Variants in SDK1 observed in about 807,000 individuals in gnomAD.
SDK1 encodes sidekick cell adhesion molecule 1, also known as protein sidekick-1.
Under a neutral mutation model 245.5 loss-of-function variants are expected in SDK1, and 157 were observed. The observed-to-expected ratio is 0.64, with a 90% confidence interval of 0.56 to 0.73. SDK1 has a LOEUF of 0.73. Among genes scored for constraint, SDK1 ranks in the 30% least tolerant of loss-of-function variants. The pLI, the probability that SDK1 is intolerant of heterozygous loss-of-function variation, is 0.00. For missense variants in SDK1, 3,583 were observed against 3,002.3 expected (o/e 1.19, Z -4.52); for synonymous variants, 1,647 against 1,278.5 (o/e 1.29, Z -6.15).
chr7:3,906,240 A>G lies in SDK1; in HGVS notation c.848-44683A>G, dbSNP rs540802271. Among the ~76,000 whole-genome samples the G allele has an allele frequency of 2.0e-5, 3 of 152,134 alleles. No individual in the cohort carries two copies. The South Asian group carries it at 6.2e-4, about 32-fold the overall frequency. On this transcript the variant is annotated intron_variant, in intron 5 of 44. Transcript: ENST00000404826. ...CAAATCCACCTTTTCATCGTGTTCT[A>G]TTATTTTGTTAGAACTTTAATTATT...
chr7:3,843,341 C>T (rs141143971), intron 5 of SDK1, among the ~76,000 whole-genome samples: 231 of 152,282 alleles, frequency 1.5e-3, no homozygotes, highest in East Asian at 0.015. Context: ...CTCCTGGCTT[C>T]GGATTCTCTA....
intron 1 of SDK1, among the ~76,000 whole-genome samples, chr7:3,572,252 C>G (rs185291832): frequency 6.6e-6 from 1 of 151,982 alleles, no homozygotes; most frequent in East Asian, 1.9e-4. Flanking sequence ...TTTGTCAGAC[C>G]TTTAGTTTGT....
At chr7:4,090,031 G>A (rs187414369) in intron 22 of SDK1, among the ~76,000 whole-genome samples, 9 of 152,252 alleles carry the variant, frequency 5.9e-5, no homozygotes, top group African/African-American at 9.6e-5. Flanking sequence ...TTTAGGAGTC[G>A]TCCTAGGTGA....
At chr7:3,870,123 G>C (rs754981989) in intron 5 of SDK1, among the ~76,000 whole-genome samples, 1 of 152,152 alleles carries the variant, frequency 6.6e-6, no homozygotes, top group African/African-American at 2.4e-5. Flanking sequence ...CAAAGCCTTG[G>C]TCAGCATTCA....
rs929917202 is a variant in SDK1 at position 4,268,114 on chromosome 7, C to T, written c.*2730C>T. 3.3e-4 allele frequency: 323 copies of T among 985,782 alleles called. 1 individual carries two copies. The highest frequency in any genetic ancestry group is 1.2e-4 in the Non-Finnish European group (103 of 830,270). 61.1% of individuals were successfully genotyped at this position (985,782 alleles called of 1,614,324 possible). A position where few individuals can be genotyped will look rare whatever the true frequency, so the allele number is the denominator to read the frequency against. ...TAGATGGAATGTGCTCCCGCTCTCTCCTGCCGTGCTGAAAGTCATGCCTTG... is the reference window on the plus strand; with the variant it reads ...TAGATGGAATGTGCTCCCGCTCTCTTCTGCCGTGCTGAAAGTCATGCCTTG... On this transcript the variant is annotated 3_prime_UTR_variant, in exon 45 of 45. Transcript: ENST00000404826.
At chr7:3,564,824 G>A (rs923978712) in intron 1 of SDK1, among the ~76,000 whole-genome samples, 1 of 152,078 alleles carries the variant, frequency 6.6e-6, no homozygotes, top group Non-Finnish European at 1.5e-5. Context: ...ACAGTGAAGA[G>A]AGAGATGTTC....
intron 30 of SDK1, among the ~76,000 whole-genome samples, chr7:4,155,885 G>A (rs1052325757): frequency 1.4e-4 from 22 of 152,236 alleles, no homozygotes; most frequent in African/African-American, 4.3e-4. Flanking sequence ...TAGTCGTCAA[G>A]GAAATGTCAC....
At chr7:4,186,673 G>GC (rs982780110) in intron 35 of SDK1, among the ~76,000 whole-genome samples, 10 of 152,104 alleles carry the variant, frequency 6.6e-5, no homozygotes, top group African/African-American at 2.4e-4. Context: ...AATGAGTAGA[G>GC]CCCCCCGCTG....
At chr7:3,779,245 C>A (rs1450880779) in intron 4 of SDK1, among the ~76,000 whole-genome samples, 1 of 152,130 alleles carries the variant, frequency 6.6e-6, no homozygotes, top group African/African-American at 2.4e-5. Context: ...ACTTGTCTCT[C>A]CTACGCTTCA....
At chr7:3,414,086 G>C (rs1279675964) in intron 1 of SDK1, among the ~76,000 whole-genome samples, 1 of 152,160 alleles carries the variant, frequency 6.6e-6, no homozygotes, top group East Asian at 1.9e-4. Flanking sequence ...AGCAGAGATA[G>C]CTATGCCTTG....
At chr7:4,050,680 C>T (rs887484127) in intron 18 of SDK1, among the ~76,000 whole-genome samples, 5 of 151,944 alleles carry the variant, frequency 3.3e-5, no homozygotes, top group African/African-American at 4.8e-5. Context: ...ATCCTTTTTG[C>T]GAAACTAGTG....
intron 44 of SDK1, among the ~76,000 whole-genome samples, chr7:4,256,485 C>T (rs903800817): frequency 2.6e-5 from 4 of 152,100 alleles, no homozygotes; most frequent in Admixed American, 6.5e-5. Flanking sequence ...GAAAGCAGAC[C>T]GAGGGTTGCT....
chr7:4,163,424 A>G (rs1781294894), intron 32 of SDK1, among the ~76,000 whole-genome samples: 2 of 152,182 alleles, frequency 1.3e-5, no homozygotes. Context: ...TCCCGGCCAC[A>G]TGCCCTCCGC....
intron 4 of SDK1, among the ~76,000 whole-genome samples, chr7:3,735,554 C>G (rs925251072): frequency 6.6e-6 from 1 of 152,158 alleles, no homozygotes; most frequent in African/African-American, 2.4e-5. Context: ...GGTGTGTTTA[C>G]CTGTTTATCC....
At chr7:4,249,259 A>G (rs988872418) in intron 44 of SDK1, among the ~76,000 whole-genome samples, 6 of 152,188 alleles carry the variant, frequency 3.9e-5, no homozygotes, top group African/African-American at 1.4e-4. Flanking sequence ...TGAGACACGC[A>G]CTGATGAGCT....
chr7:3,455,154 G>T (rs1437021942), intron 1 of SDK1, among the ~76,000 whole-genome samples: 2 of 150,754 alleles, frequency 1.3e-5, no homozygotes, highest in East Asian at 3.9e-4. Context: ...TTTTTTTACT[G>T]TTGAGTTTTA....
At chr7:4,100,702 C>T (rs529576726) in intron 22 of SDK1, among the ~76,000 whole-genome samples, 9 of 152,272 alleles carry the variant, frequency 5.9e-5, no homozygotes, top group African/African-American at 2.2e-4. Flanking sequence ...AGGAAATGAA[C>T]TCCCATTGCT....
chr7:3,380,003 T>C (rs1562451649), intron 1 of SDK1, among the ~76,000 whole-genome samples: 1 of 152,212 alleles, frequency 6.6e-6, no homozygotes, highest in Admixed American at 6.5e-5. Flanking sequence ...TTTCAACCTG[T>C]ATTTAATATT....
intron 19 of SDK1, among the ~76,000 whole-genome samples, chr7:4,065,746 T>A (rs1335175224): frequency 7.3e-6 from 1 of 136,596 alleles, no homozygotes; most frequent in Non-Finnish European, 1.6e-5. Context: ...GTTACCATTT[T>A]AAAAAAATTA....
Sources: gnomAD v4.1 joint callset for allele counts (sites outside exome capture counted in the v4.1 genomes callset) on GRCh38, gnomAD v4.1.1 for gene constraint, MANE v1.5 for transcripts, NCBI Gene and HGNC (gene_info 2026-07-23, HGNC 2026-07-21) for gene names.